Variants in OSBPL1A observed in about 807,000 individuals in gnomAD.
OSBPL1A encodes oxysterol-binding protein-related protein 1.
A neutral mutation model predicts 137.1 loss-of-function variants in OSBPL1A; 80 were observed. That is an observed-to-expected ratio of 0.58 (90% CI 0.49 to 0.70). OSBPL1A has a LOEUF of 0.70. OSBPL1A is among the 30% of genes least tolerant of loss of function. The pLI, the probability that OSBPL1A is intolerant of heterozygous loss-of-function variation, is 0.00. For synonymous variants in OSBPL1A, 365 were observed against 389.7 expected, an observed-to-expected ratio of 0.94 and a Z score of 0.75; for missense variants, 970 against 1,129.4, an observed-to-expected ratio of 0.86 and a Z score of 2.02.
chr18:24,387,617 G>C (rs972349199), intron 1 of OSBPL1A, among the ~76,000 whole-genome samples: 11 of 151,956 alleles, frequency 7.2e-5, no homozygotes, highest in African/African-American at 2.7e-4. Flanking sequence ...GACTCGCTTT[G>C]TTGCCCTGGC....
intron 15 of OSBPL1A, among the ~76,000 whole-genome samples, chr18:24,240,223 C>T (rs2088648193): frequency 6.6e-6 from 1 of 152,044 alleles, no homozygotes; most frequent in Admixed American, 6.6e-5. Flanking sequence ...CATGCCTGGC[C>T]TATTTTTCAT....
chr18:24,362,692 T>C (rs1216245270), intron 4 of OSBPL1A, among the ~76,000 whole-genome samples: 1 of 152,256 alleles, frequency 6.6e-6, no homozygotes, highest in Non-Finnish European at 1.5e-5. Context: ...ATGTCATAGT[T>C]AATTTTGCAT....
At chr18:24,272,270 T>C (rs2089743919) in intron 15 of OSBPL1A, 1 of 973,958 alleles carries the variant, frequency 1.0e-6, no homozygotes, top group Non-Finnish European at 1.2e-6. Flanking sequence ...TTTTTTTTTT[T>C]AACCAACCCG....
chr18:24,303,960 G>GT (rs1184576263), intron 13 of OSBPL1A, among the ~76,000 whole-genome samples: 3 of 152,114 alleles, frequency 2.0e-5, no homozygotes, highest in Non-Finnish European at 4.4e-5. Context: ...CTGTTGTGTA[G>GT]ATACCATACA....
At chr18:24,321,734 G>A (rs748073401) in intron 7 of OSBPL1A, 4 of 503,846 alleles carry the variant, frequency 7.9e-6, no homozygotes, top group South Asian at 4.6e-5. Flanking sequence ...GGTTGAGAGG[G>A]TAAGAAAAGA....
At chr18:24,286,785 T>C (rs868340857) in intron 14 of OSBPL1A, among the ~76,000 whole-genome samples, 2 of 152,176 alleles carry the variant, frequency 1.3e-5, no homozygotes, top group Non-Finnish European at 2.9e-5. Flanking sequence ...CAATGAGAAC[T>C]CTAGCAAGGT....
At chr18:24,255,539 C>T (rs1207924187) in intron 15 of OSBPL1A, among the ~76,000 whole-genome samples, 1 of 151,998 alleles carries the variant, frequency 6.6e-6, no homozygotes, top group Non-Finnish European at 1.5e-5. Flanking sequence ...AAGAATGAAA[C>T]CATTTGTCTC....
intron 21 of OSBPL1A, among the ~76,000 whole-genome samples, chr18:24,177,360 C>A (rs997187168): frequency 6.6e-6 from 1 of 152,194 alleles, no homozygotes; most frequent in African/African-American, 2.4e-5. Context: ...ATTTGCTGCT[C>A]TGATTCTGAG....
chr18:24,304,004 C>T (rs2090453721), intron 13 of OSBPL1A, among the ~76,000 whole-genome samples: 1 of 152,038 alleles, frequency 6.6e-6, no homozygotes, highest in African/African-American at 2.4e-5. Flanking sequence ...CTCATTATGC[C>T]ATGTGTATCT....
At chr18:24,220,824 T>A (rs573635260) in intron 17 of OSBPL1A, among the ~76,000 whole-genome samples, 13 of 151,946 alleles carry the variant, frequency 8.6e-5, no homozygotes, top group African/African-American at 3.1e-4. Context: ...TTTTGGTTTT[T>A]TTTTTTGAGA....
intron 17 of OSBPL1A, among the ~76,000 whole-genome samples, chr18:24,213,997 TAAG>T (rs1181745890): frequency 6.6e-6 from 1 of 152,228 alleles, no homozygotes; most frequent in Non-Finnish European, 1.5e-5. Context: ...TTTAGTTTAC[TAAG>T]AAGATGTCAT....
intron 14 of OSBPL1A, among the ~76,000 whole-genome samples, chr18:24,286,743 G>C (rs1470729058): frequency 6.6e-6 from 1 of 152,140 alleles, no homozygotes; most frequent in East Asian, 1.9e-4. Context: ...AAATATACTA[G>C]TCCTGAGGGA....
Position 24,326,000 on chromosome 18 carries a change from C to T in OSBPL1A, c.625+6942G>A, listed in dbSNP as rs148554146. On this transcript the variant is annotated intron_variant, in intron 7 of 27. Coordinates refer to ENST00000319481, the MANE Select transcript of OSBPL1A (RefSeq NM_080597.4). Reference sequence around the variant, plus strand: ...CTCCTGGGCTCAAGCAATCCTCCTGCATTGGCCTCCCAAAGTGCTAGGATT... The same window carrying T: ...CTCCTGGGCTCAAGCAATCCTCCTGTATTGGCCTCCCAAAGTGCTAGGATT... Among the ~76,000 whole-genome samples, 654 of 152,086 alleles carry T rather than the reference C, an allele frequency of 4.3e-3. 2 individuals are homozygous for T. Among genetic ancestry groups the T allele is most frequent in the Non-Finnish European group, 7.4e-3 (505 of 68,018 alleles).
intron 13 of OSBPL1A, among the ~76,000 whole-genome samples, chr18:24,310,046 CAAAAAAAAAAAAAAGA>C (rs1402779888): frequency 1.1e-5 from 1 of 90,610 alleles, no homozygotes; most frequent in African/African-American, 4.6e-5. Context: ...GACTCTGTCT[CAAAAAAAAAAAAAAGA>C]AAAAAAAAAA....
At chr18:24,299,649 A>G (rs989965463) in intron 14 of OSBPL1A, among the ~76,000 whole-genome samples, 2 of 152,194 alleles carry the variant, frequency 1.3e-5, no homozygotes, top group Admixed American at 6.5e-5. Context: ...CAGGCTATCT[A>G]AAGTCAACAT....
At chr18:24,306,190 C>T (rs952018834) in intron 13 of OSBPL1A, among the ~76,000 whole-genome samples, 1 of 152,190 alleles carries the variant, frequency 6.6e-6, no homozygotes, top group African/African-American at 2.4e-5. Context: ...GATACAGGGG[C>T]CTAGAGGATC....
At chr18:24,356,526 T>A (rs191191021) in intron 4 of OSBPL1A, among the ~76,000 whole-genome samples, 11 of 151,840 alleles carry the variant, frequency 7.2e-5, no homozygotes, top group African/African-American at 2.4e-4. Context: ...CTGGCTGAGG[T>A]CTGGCTCACG....
At chr18:24,337,391 TAAC>T (rs1269757722) in intron 5 of OSBPL1A, among the ~76,000 whole-genome samples, 3 of 150,810 alleles carry the variant, frequency 2.0e-5, no homozygotes, top group Non-Finnish European at 4.4e-5. Flanking sequence ...TAACATAACA[TAAC>T]ATAACATAAC....
intron 17 of OSBPL1A, among the ~76,000 whole-genome samples, chr18:24,207,091 A>T (rs2145961502): frequency 6.6e-6 from 1 of 152,310 alleles, no homozygotes; most frequent in African/African-American, 2.4e-5. Context: ...AGGTATGAAG[A>T]ACACAACAAT....
Sources: allele counts gnomAD v4.1 joint callset (sites outside exome capture counted in the v4.1 genomes callset), GRCh38; gene constraint gnomAD v4.1.1; transcripts MANE v1.5; gene names NCBI Gene and HGNC (gene_info 2026-07-23, HGNC 2026-07-21).